The following DENND4C variants were observed in gnomAD, a reference collection of about 807,000 sequenced individuals.
The protein encoded by DENND4C is DENN domain containing 4C.
A neutral mutation model predicts 203.0 loss-of-function variants in DENND4C; 108 were observed. That is an observed-to-expected ratio of 0.53 (90% CI 0.46 to 0.62). DENND4C has a LOEUF of 0.62. Among genes scored for constraint, DENND4C ranks in the 20% least tolerant of loss-of-function variants. The probability of loss-of-function intolerance (pLI) is 0.00; values close to 1 mark genes in which losing one functional copy is unlikely to be tolerated. For missense variants in DENND4C, 2,481 were observed against 2,301.2 expected, an observed-to-expected ratio of 1.08 and a Z score of -1.60; for synonymous variants, 871 against 792.4, an observed-to-expected ratio of 1.10 and a Z score of -1.67.
rs558600182 is a variant in DENND4C at position 19,363,018 on chromosome 9, T to C, written c.5524+1055T>C. ...CTGGGTGGCTTTAACAACAGAAATT[T>C]ATTTTCTCACAGTTCTGGAGGCTGG... On this transcript the variant is annotated intron_variant, in intron 30 of 32. Coordinates refer to ENST00000434457, the MANE Select transcript of DENND4C (RefSeq NM_001330640.2). Among the ~76,000 whole-genome samples, 28 of 152,324 alleles carry C rather than the reference T, an allele frequency of 1.8e-4. No homozygotes were observed. In the South Asian group the frequency reaches 4.6e-3, roughly 25 times the overall value.
chr9:19,373,845 A>T lies in DENND4C; in HGVS notation c.*1672A>T, dbSNP rs1829233712. Reference sequence around the variant, plus strand: ...TCCCTTCTACCTGATGTAACCATTTACAAATTATAGTTATTGTACCAGTCT... The same window carrying T: ...TCCCTTCTACCTGATGTAACCATTTTCAAATTATAGTTATTGTACCAGTCT... On this transcript the variant is annotated 3_prime_UTR_variant, in exon 33 of 33. Transcript: ENST00000434457. Among the ~76,000 whole-genome samples the T allele has an allele frequency of 6.6e-6, 1 of 152,236 alleles. No individual in the cohort carries two copies. Among genetic ancestry groups the T allele is most frequent in the Non-Finnish European group, 1.5e-5 (1 of 68,032 alleles).
chr9:19,352,075 G>A lies in DENND4C; in HGVS notation c.4498G>A (p.Glu1500Lys), dbSNP rs1430309375. 6.2e-7 allele frequency: 1 copy of A among 1,613,096 alleles called. No individual in the cohort carries two copies. Among genetic ancestry groups the A allele is most frequent in the Non-Finnish European group, 8.5e-7 (1 of 1,179,386 alleles). ...TTACGATGTATATTCCTTTGTAGGTGAAGTTCCATTTCCAAGAGGCATGAA... is the reference window on the plus strand; with the variant it reads ...TTACGATGTATATTCCTTTGTAGGTAAAGTTCCATTTCCAAGAGGCATGAA... ...DVGKLHYPTG[E>K]VPFPRGMKGQ... The change falls in exon 25 of 33, where the codon GAA (glutamate) becomes AAA (lysine). Residue 1500 changes from glutamate to lysine, a missense_variant and splice_region_variant. Coordinates refer to ENST00000434457, the MANE Select transcript of DENND4C (RefSeq NM_001330640.2).
chr9:19,276,614 C>T (rs1832940476), intron 2 of DENND4C, 135 bp downstream of exon 2: 1 of 509,858 alleles, frequency 2.0e-6, no homozygotes. Context: ...ATGGTTACTT[C>T]AGGATTCATT....
chr9:19,366,866 CAAAA>C (rs550691552), intron 30 of DENND4C, among the ~76,000 whole-genome samples: 162 of 152,122 alleles, frequency 1.1e-3, no homozygotes, highest in African/African-American at 3.8e-3. Flanking sequence ...TGGATTTAGT[CAAAA>C]GAAAGAACTT....
chr9:19,325,472 C>T (rs1049759929), intron 13 of DENND4C, among the ~76,000 whole-genome samples: 2 of 151,766 alleles, frequency 1.3e-5, no homozygotes, highest in South Asian at 4.2e-4. Context: ...TTTTTATGGC[C>T]CCCTCATGAT....
At chr9:19,277,910 C>G (rs1048175940) in intron 2 of DENND4C, among the ~76,000 whole-genome samples, 2 of 152,060 alleles carry the variant, frequency 1.3e-5, no homozygotes, top group Admixed American at 6.6e-5. Flanking sequence ...TTGAGATGAT[C>G]ATGTATTTTT....
chr9:19,350,835 G>T lies in DENND4C; in HGVS notation c.4451G>T (p.Ser1484Ile), dbSNP rs865929608. 1.2e-6 allele frequency: 2 copies of T among 1,613,926 alleles called. No individual in the cohort carries two copies. Among genetic ancestry groups the T allele is most frequent in the Non-Finnish European group, 1.7e-6 (2 of 1,179,972 alleles). ...ELTQSNTSLG[S>I]SSSSGDVGKL... The stretch of plus-strand genomic sequence containing the variant: ...ACCCAGAGCAACACAAGTCTTGGCA[G>T]TAGCAGCAGTAGTGGAGATGTAGGA... Residue 1484 changes from serine to isoleucine, a missense_variant, in exon 24 of 33, where the codon AGT (serine) becomes ATT (isoleucine). Around this residue, in one of 3 missense-constraint regions of DENND4C, gnomAD observed 2,289 missense variants for 2,113.3 expected, o/e 1.08. Transcript: ENST00000434457.
chr9:19,350,845 T>C lies in DENND4C; in HGVS notation c.4461T>C (p.Ser1487=). ...QSNTSLGSSS[S]SGDVGKLHYP... ...ACACAAGTCTTGGCAGTAGCAGCAGTAGTGGAGATGTAGGAAAACTGCATT... is the reference window on the plus strand; with the variant it reads ...ACACAAGTCTTGGCAGTAGCAGCAGCAGTGGAGATGTAGGAAAACTGCATT... The change falls in exon 24 of 33, where the codon AGT becomes AGC. Residue 1487 remains serine, a synonymous_variant. Transcript: ENST00000434457. 6 of 1,613,870 alleles carry C rather than the reference T, an allele frequency of 3.7e-6. No homozygotes were observed. The highest frequency in any genetic ancestry group is 1.1e-5 in the South Asian group (1 of 91,026).
intron 1 of DENND4C, among the ~76,000 whole-genome samples, chr9:19,271,059 C>T (rs1831545224): frequency 6.6e-6 from 1 of 151,980 alleles, no homozygotes. Context: ...AGAAACATCG[C>T]TGAAAAAAAT....
chr9:19,242,420 A>T (rs577579662), intron 1 of DENND4C, among the ~76,000 whole-genome samples: 4 of 152,212 alleles, frequency 2.6e-5, no homozygotes, highest in African/African-American at 9.6e-5. Flanking sequence ...TTTTAAATCA[A>T]TTTGGATAAT....
intron 22 of DENND4C, among the ~76,000 whole-genome samples, chr9:19,343,906 A>C (rs1344774231): frequency 6.6e-6 from 1 of 152,246 alleles, no homozygotes; most frequent in Non-Finnish European, 1.5e-5. Flanking sequence ...GTGCCGTTAA[A>C]TTCCTTGGAA....
intron 1 of DENND4C, among the ~76,000 whole-genome samples, chr9:19,235,783 C>T (rs868766547): frequency 3.3e-5 from 5 of 151,694 alleles, no homozygotes; most frequent in African/African-American, 4.8e-5. Context: ...GCTGATTTTT[C>T]GTATTTTTAG....
intron 2 of DENND4C, among the ~76,000 whole-genome samples, chr9:19,277,115 A>G (rs1833034534): frequency 6.6e-6 from 1 of 152,088 alleles, no homozygotes; most frequent in Non-Finnish European, 1.5e-5. Flanking sequence ...TTTACCATAT[A>G]TACATGTGAT....
rs111806787 is a variant in DENND4C, at chr9:19,354,771, C to T, written c.4781+2106C>T. On this transcript the variant is annotated intron_variant, in intron 26 of 32. Transcript: ENST00000434457. ...ATGTTAGCCAGGCTGGTCTCGAACT[C>T]CTGATCTCAGATGATCCACCCACCT... 6.5e-3 allele frequency among the ~76,000 whole-genome samples: 988 copies of T among 152,048 alleles called. 6 individuals carry two copies. The highest frequency in any genetic ancestry group is 0.023 in the African/African-American group (948 of 41,492).
At chr9:19,352,731 G>C in intron 26 of DENND4C, 66 bp downstream of exon 26, 2 of 1,304,922 alleles carry the variant, frequency 1.5e-6, no homozygotes, top group South Asian at 3.5e-5. Context: ...TGGGAGAAGA[G>C]TGAAATATTC....
At chr9:19,364,542 T>A (rs1827209573) in intron 30 of DENND4C, among the ~76,000 whole-genome samples, 1 of 152,174 alleles carries the variant, frequency 6.6e-6, no homozygotes, top group African/African-American at 2.4e-5. Flanking sequence ...AGCAGGAATG[T>A]CACTCTAAAA....
intron 1 of DENND4C, among the ~76,000 whole-genome samples, chr9:19,271,181 G>C (rs1831571966): frequency 1.3e-5 from 2 of 150,036 alleles, no homozygotes; most frequent in African/African-American, 4.9e-5. Flanking sequence ...TTTTTTTTTA[G>C]GTAAAAATTA....
intron 12 of DENND4C, 26 bp downstream of exon 12, chr9:19,316,865 C>G: frequency 6.4e-7 from 1 of 1,557,634 alleles, no homozygotes; most frequent in Non-Finnish European, 8.7e-7. Flanking sequence ...AGTACAATTC[C>G]TTTTATTGAG....
chr9:19,317,336 G>T (rs1042090769), intron 12 of DENND4C, among the ~76,000 whole-genome samples: 7 of 151,730 alleles, frequency 4.6e-5, no homozygotes, highest in Admixed American at 4.6e-4. Context: ...GTACACTTTT[G>T]GCTTTACAAT....
Sources: allele counts gnomAD v4.1 joint callset (sites outside exome capture counted in the v4.1 genomes callset), GRCh38; gene constraint gnomAD v4.1.1; regional missense constraint gnomAD v4.1.1; transcripts MANE v1.5; gene names NCBI Gene and HGNC (gene_info 2026-07-23, HGNC 2026-07-21).